The following LDLRAD4 variants were observed in gnomAD, a reference collection of about 807,000 sequenced individuals.
LDLRAD4 encodes low-density lipoprotein receptor class A domain-containing protein 4.
In LDLRAD4, 5 loss-of-function variants were observed where a neutral mutation model predicts 17.0. That is an observed-to-expected ratio of 0.29 (90% CI 0.15 to 0.62). The LOEUF (loss-of-function observed/expected upper bound fraction) is 0.62, where lower values mean the gene tolerates loss of function less well. Among genes scored for constraint, LDLRAD4 ranks in the 20% least tolerant of loss-of-function variants. LDLRAD4 has a pLI of 0.84. For synonymous variants in LDLRAD4, 168 were observed against 171.8 expected, an observed-to-expected ratio of 0.98 and a Z score of 0.17; for missense variants, 340 against 424.7, an observed-to-expected ratio of 0.80 and a Z score of 1.75.
At chr18:13,541,971 G>T (rs1189491690) in intron 3 of LDLRAD4, among the ~76,000 whole-genome samples, 1 of 152,192 alleles carries the variant, frequency 6.6e-6, no homozygotes, top group Non-Finnish European at 1.5e-5. Context: ...AGCTACTGGG[G>T]AGGCTGGGGT....
intron 3 of LDLRAD4, among the ~76,000 whole-genome samples, chr18:13,446,012 A>G (rs1206023633): frequency 6.6e-6 from 1 of 152,214 alleles, no homozygotes; most frequent in African/African-American, 2.4e-5. Context: ...GAAATAGTGC[A>G]GGACAGGCAA....
intron 2 of LDLRAD4, among the ~76,000 whole-genome samples, chr18:13,388,171 C>G (rs2145231134): frequency 6.6e-6 from 1 of 152,304 alleles, no homozygotes; most frequent in East Asian, 1.9e-4. Flanking sequence ...GCCTCCCCAT[C>G]TTTAATTTCT....
At chr18:13,386,359 TTTA>T (rs1161018104) in intron 1 of LDLRAD4, among the ~76,000 whole-genome samples, 1 of 140,426 alleles carries the variant, frequency 7.1e-6, no homozygotes, top group Non-Finnish European at 1.5e-5. Context: ...GTAAAATGCT[TTTA>T]TTATTATTCT....
At chr18:13,541,473 G>C (rs2094282018) in intron 3 of LDLRAD4, among the ~76,000 whole-genome samples, 1 of 152,188 alleles carries the variant, frequency 6.6e-6, no homozygotes, top group Non-Finnish European at 1.5e-5. Flanking sequence ...GAGATTACTG[G>C]AAGAACAGTG....
chr18:13,438,254 C>T, exon 3 of LDLRAD4: 2 of 1,613,938 alleles, frequency 1.2e-6, no homozygotes, highest in Non-Finnish European at 1.7e-6. Context: ...AGTGCAAATT[C>T]ACCTGCACCA....
rs1232985622 is a variant in LDLRAD4, at chr18:13,298,601, T to C, written c.-383+20413T>C. ...CTCTGGGCATGGTGATGTTGCTGCTTTGGGCATGGTGATGGAGCTGCTCTG... is the reference window on the plus strand; with the variant it reads ...CTCTGGGCATGGTGATGTTGCTGCTCTGGGCATGGTGATGGAGCTGCTCTG... On this transcript the variant is annotated intron_variant, in intron 1 of 5. Coordinates refer to ENST00000359446, the Ensembl canonical transcript of LDLRAD4. Among the ~76,000 whole-genome samples the C allele has an allele frequency of 1.0e-4, 12 of 119,138 alleles. No individual in the cohort carries two copies. In the East Asian group the frequency reaches 1.6e-3, roughly 16 times the overall value. The allele number at this position is 119,138 out of a possible 152,430, so 78.2% of individuals were successfully genotyped here.
At chr18:13,426,503 C>G (rs2089950253) in intron 2 of LDLRAD4, among the ~76,000 whole-genome samples, 2 of 150,928 alleles carry the variant, frequency 1.3e-5, no homozygotes, top group South Asian at 4.3e-4. Context: ...AGTAGCGGGG[C>G]TGGTTCTAGG....
intron 3 of LDLRAD4, chr18:13,521,924 A>G (rs1233989810): frequency 6.6e-6 from 1 of 150,922 alleles, no homozygotes; most frequent in African/African-American, 2.4e-5. Flanking sequence ...TCTCCATGGC[A>G]AGTGGCTGAA....
intron 4 of LDLRAD4, among the ~76,000 whole-genome samples, chr18:13,636,816 A>G (rs958473417): frequency 1.2e-4 from 17 of 140,858 alleles, no homozygotes; most frequent in African/African-American, 4.4e-4. Flanking sequence ...TTTTTTTTCG[A>G]GATGGAGTCT....
chr18:13,610,280 T>TG (rs2039387803), intron 3 of LDLRAD4, among the ~76,000 whole-genome samples: 1 of 44,588 alleles, frequency 2.2e-5, no homozygotes, highest in African/African-American at 1.0e-4. Flanking sequence ...TTTTTTTTTT[T>TG]TTTTTTTTTT....
At chr18:13,497,524 C>T (rs1261489604) in intron 3 of LDLRAD4, among the ~76,000 whole-genome samples, 1 of 151,556 alleles carries the variant, frequency 6.6e-6, no homozygotes, top group African/African-American at 2.4e-5. Flanking sequence ...TCTTTTTTCA[C>T]ATGCCTGCTG....
intron 3 of LDLRAD4, among the ~76,000 whole-genome samples, chr18:13,480,087 T>G (rs2567165): frequency 0.054 from 8,241 of 152,338 alleles, 286 homozygotes; most frequent in East Asian, 0.12. Flanking sequence ...ATTGAAACAT[T>G]ATGTCCACAC....
intron 1 of LDLRAD4, among the ~76,000 whole-genome samples, chr18:13,383,777 T>C (rs2085573145): frequency 6.6e-6 from 1 of 152,068 alleles, no homozygotes; most frequent in Non-Finnish European, 1.5e-5. Flanking sequence ...CTGACACACT[T>C]ACTGAGTGCC....
rs779146171 is a variant in LDLRAD4, at chr18:13,399,000, C to T, written c.40+11238C>T. On this transcript the variant is annotated intron_variant, in intron 2 of 5. Coordinates refer to ENST00000359446, the Ensembl canonical transcript of LDLRAD4. This position sits in a 1 kb window ranked among gnomAD's most constrained non-coding sequence, Gnocchi z 4.8. ...ACACCTATAACCCCAGCACTTTGGGCGGCCGAGGTAGGAGGATTGCTTGAG... is the reference window on the plus strand; with the variant it reads ...ACACCTATAACCCCAGCACTTTGGGTGGCCGAGGTAGGAGGATTGCTTGAG... Among the ~76,000 whole-genome samples the T allele has an allele frequency of 6.6e-5, 10 of 152,102 alleles. No homozygotes were observed. The highest frequency in any genetic ancestry group is 1.3e-4 in the Non-Finnish European group (9 of 68,008).
chr18:13,425,589 T>C (rs1002934549), intron 2 of LDLRAD4, among the ~76,000 whole-genome samples: 1 of 151,878 alleles, frequency 6.6e-6, no homozygotes, highest in African/African-American at 2.4e-5. Context: ...GAGGAAGTGG[T>C]TTTTCCAGGT....
intron 1 of LDLRAD4, among the ~76,000 whole-genome samples, chr18:13,380,210 T>C (rs2085250096): frequency 6.6e-6 from 1 of 152,204 alleles, no homozygotes; most frequent in African/African-American, 2.4e-5. Context: ...CCCATTCCCT[T>C]GTGCATGTGG....
At chr18:13,634,916 G>A (rs1022243603) in intron 4 of LDLRAD4, among the ~76,000 whole-genome samples, 3 of 152,164 alleles carry the variant, frequency 2.0e-5, no homozygotes, top group Admixed American at 6.5e-5. Context: ...AGAGAGTCCA[G>A]AGATAAACCC....
intron 3 of LDLRAD4, among the ~76,000 whole-genome samples, chr18:13,574,491 A>AC (rs1310800332): frequency 6.6e-6 from 1 of 152,038 alleles, no homozygotes; most frequent in Non-Finnish European, 1.5e-5. Flanking sequence ...TCGTCTTTGT[A>AC]CCCCTAGCAC....
chr18:13,309,213 G>T (rs2047088409), intron 1 of LDLRAD4, among the ~76,000 whole-genome samples: 1 of 152,218 alleles, frequency 6.6e-6, no homozygotes, highest in Non-Finnish European at 1.5e-5. Flanking sequence ...GGCGTGGATT[G>T]TGGGCAGTCA....
Sources: gnomAD v4.1 joint callset for allele counts (sites outside exome capture counted in the v4.1 genomes callset) on GRCh38, gnomAD v4.1.1 for gene constraint, Gnocchi (gnomAD v3.1) non-coding constraint, MANE v1.5 for transcripts, NCBI Gene and HGNC (gene_info 2026-07-23, HGNC 2026-07-21) for gene names.